Variants in RHOH observed in about 807,000 individuals in gnomAD.
The protein encoded by RHOH is rho-related GTP-binding protein RhoH.
A neutral mutation model predicts 13.8 loss-of-function variants in RHOH; 6 were observed. The observed-to-expected ratio is 0.44, with a 90% CI of 0.24 to 0.86. RHOH has a LOEUF of 0.86. Among genes scored for constraint, RHOH ranks in the 40% least tolerant of loss-of-function variants. RHOH has a pLI of 0.24. For synonymous variants in RHOH, 117 were observed against 103.0 expected, an observed-to-expected ratio of 1.14 and a Z score of -0.82; for missense variants, 147 against 244.5, an observed-to-expected ratio of 0.60 and a Z score of 2.66.
intron 1 of RHOH, among the ~76,000 whole-genome samples, chr4:40,227,389 T>C (rs1175995798): frequency 1.3e-5 from 2 of 152,180 alleles, no homozygotes; most frequent in African/African-American, 4.8e-5. Context: ...TCTGAAAAAA[T>C]CCTGTGTAGA....
intron 1 of RHOH, among the ~76,000 whole-genome samples, chr4:40,225,485 G>T (rs922907058): frequency 2.0e-5 from 3 of 152,024 alleles, no homozygotes; most frequent in African/African-American, 7.3e-5. Context: ...TGATTCTTAC[G>T]CATTGCTAGG....
upstream of RHOH, chr4:40,191,165 G>A (rs1722695288): frequency 6.6e-6 from 1 of 152,142 alleles, no homozygotes; most frequent in Admixed American, 6.5e-5. Flanking sequence ...TCGGGCCCTT[G>A]ACCCAAAGAT....
At position 40,243,567 on chromosome 4, in the gene RHOH, G is replaced by A. The variant is rs1000856485; in HGVS notation, c.181G>A (p.Gly61Ser). Residue 61 changes from glycine to serine, a missense_variant, in exon 3 of 3, where the codon GGC becomes AGC. Transcript: ENST00000381799. The surrounding 1 kb of genome is among the most constrained non-coding windows in gnomAD (Gnocchi z 6.2). The stretch of plus-strand genomic sequence containing the variant: ...CAGCCTGGGCCTCTGGGACACAGCC[G>A]GCAATGACGCCTTCAGAAGCATCCG... The part of the protein sequence containing the change: ...QISLGLWDTA[G>S]NDAFRSIRPL... The A allele has an allele frequency of 5.0e-6, 8 of 1,614,004 alleles. No individual in the cohort carries two copies. Among genetic ancestry groups the A allele is most frequent in the Non-Finnish European group, 6.8e-6 (8 of 1,180,040 alleles).
chr4:40,195,083 G>A (rs1386189816), upstream of RHOH, among the ~76,000 whole-genome samples: 1 of 152,154 alleles, frequency 6.6e-6, no homozygotes, highest in African/African-American at 2.4e-5. Flanking sequence ...ATAGAACCAC[G>A]TGGCATACAT....
chr4:40,219,582 CACTTTTAT>C (rs1186393544), intron 1 of RHOH, among the ~76,000 whole-genome samples: 1 of 151,978 alleles, frequency 6.6e-6, no homozygotes, highest in African/African-American at 2.4e-5. Context: ...GTATATTTTT[CACTTTTAT>C]ACTTTTAAAA....
chr4:40,191,498 T>G (rs1033244314), upstream of RHOH, among the ~76,000 whole-genome samples: 2 of 152,226 alleles, frequency 1.3e-5, no homozygotes, highest in South Asian at 4.1e-4. Context: ...CAAAAGCGCA[T>G]CAACTATCGA....
chr4:40,192,952 T>C (rs12643103), upstream of RHOH: 16,850 of 152,328 alleles, frequency 0.11, 1,437 homozygotes, highest in East Asian at 0.43. Context: ...TCCTTGGCTG[T>C]TAAAATAGGG....
intron 1 of RHOH, chr4:40,217,901 A>G (rs988995025): frequency 1.2e-4 from 18 of 152,184 alleles, no homozygotes; most frequent in African/African-American, 4.3e-4. Context: ...GTCCAACTCC[A>G]TATTGGAGCT....
In RHOH at chr4:40,218,920, G is replaced by A. The variant is rs1446219488; in HGVS notation, c.-331+21620G>A. 6.6e-6 allele frequency among the ~76,000 whole-genome samples: 1 copy of A among 152,078 alleles called. No homozygotes were observed. Among genetic ancestry groups the A allele is most frequent in the Non-Finnish European group, 1.5e-5 (1 of 68,030 alleles). The stretch of plus-strand genomic sequence containing the variant: ...GTGAGAAAGTCTCAACCACCACATT[G>A]ACTCTTCATTTATATTTAATATTAT... On this transcript the variant is annotated intron_variant, in intron 1 of 2. Transcript: ENST00000381799. This position sits in a 1 kb window ranked among gnomAD's most constrained non-coding sequence, Gnocchi z 4.1.
At chr4:40,195,358 C>CTTCCTTCG (rs1723016016), upstream of RHOH, among the ~76,000 whole-genome samples, 1 of 32,882 alleles carries the variant, frequency 3.0e-5, no homozygotes, top group African/African-American at 1.2e-4. Context: ...CTTTCTTTTC[C>CTTCCTTCG]TTCCTTCCTT....
upstream of RHOH, among the ~76,000 whole-genome samples, chr4:40,194,508 C>T (rs372445091): frequency 5.9e-5 from 9 of 152,110 alleles, no homozygotes; most frequent in East Asian, 1.9e-4. Flanking sequence ...GGATTATAGG[C>T]GTGAGCCACA....
intron 1 of RHOH, among the ~76,000 whole-genome samples, chr4:40,221,869 G>A (rs1726628148): frequency 6.6e-6 from 1 of 152,176 alleles, no homozygotes; most frequent in African/African-American, 2.4e-5. Flanking sequence ...CAGTTAGCCA[G>A]GTTGTCAATG....
At chr4:40,204,752 G>A (rs12512369) in intron 1 of RHOH, among the ~76,000 whole-genome samples, 3,303 of 152,312 alleles carry the variant, frequency 0.022, 52 homozygotes, top group Non-Finnish European at 0.033. Flanking sequence ...GTAAGATGGC[G>A]GATACAGGTG....
chr4:40,195,912 C>G (rs1034685689), upstream of RHOH, among the ~76,000 whole-genome samples: 4 of 152,200 alleles, frequency 2.6e-5, no homozygotes, highest in Admixed American at 2.6e-4. Flanking sequence ...GAATGCTCAC[C>G]TTGTACCATT....
rs369393145 is a variant in RHOH at position 40,216,313 on chromosome 4, A to G, written c.-331+19013A>G. ...GTGAAACCCCGTCTCGATTAAAAATACAAAAACTAGCCGGGCGTGGTGGCA... is the reference window on the plus strand; with the variant it reads ...GTGAAACCCCGTCTCGATTAAAAATGCAAAAACTAGCCGGGCGTGGTGGCA... On this transcript the variant is annotated intron_variant, in intron 1 of 2. Coordinates refer to ENST00000381799, the MANE Select transcript of RHOH (RefSeq NM_004310.5). Among the ~76,000 whole-genome samples, 29 of 151,916 alleles carry G rather than the reference A, an allele frequency of 1.9e-4. 1 individual carries two copies. The highest frequency in any genetic ancestry group is 9.7e-4 in the East Asian group (5 of 5,152).
upstream of RHOH, among the ~76,000 whole-genome samples, chr4:40,192,535 A>G (rs149892840): frequency 2.9e-3 from 449 of 152,368 alleles, no homozygotes; most frequent in Middle Eastern, 0.024. Flanking sequence ...CAATGAGCAA[A>G]CATAGTACTT....
At chr4:40,238,650 A>G (rs2109559907) in intron 1 of RHOH, among the ~76,000 whole-genome samples, 1 of 152,300 alleles carries the variant, frequency 6.6e-6, no homozygotes, top group Non-Finnish European at 1.5e-5. Flanking sequence ...GGGCAAGAGC[A>G]TCAAATTATG....
chr4:40,203,251 C>T (rs1028949157), intron 1 of RHOH, among the ~76,000 whole-genome samples: 2 of 152,200 alleles, frequency 1.3e-5, no homozygotes, highest in Non-Finnish European at 2.9e-5. Flanking sequence ...GGATTACAGG[C>T]GTGAGCCACC....
intron 1 of RHOH, among the ~76,000 whole-genome samples, chr4:40,217,145 C>G (rs149364671): frequency 6.2e-4 from 95 of 152,226 alleles, no homozygotes; most frequent in African/African-American, 1.8e-3. Flanking sequence ...ACTTACAGAC[C>G]TACTGAGACT....
Sources: allele counts gnomAD v4.1 joint callset (sites outside exome capture counted in the v4.1 genomes callset), GRCh38; gene constraint gnomAD v4.1.1; non-coding constraint Gnocchi (gnomAD v3.1); transcripts MANE v1.5; gene names NCBI Gene and HGNC (gene_info 2026-07-23, HGNC 2026-07-21).